The following PLCL1 variants were observed in gnomAD, a reference collection of about 807,000 sequenced individuals.
The protein encoded by PLCL1 is phospholipase C like 1 (inactive).
Under a neutral mutation model 84.4 loss-of-function variants are expected in PLCL1, and 41 were observed. That is an observed-to-expected ratio of 0.49 (90% confidence interval 0.38 to 0.63). The LOEUF is 0.63. PLCL1 is among the 30% of genes least tolerant of loss of function. The pLI is 0.00. For missense variants in PLCL1, 1,206 were observed against 1,367.8 expected (o/e 0.88, Z 1.87); for synonymous variants, 490 against 488.3 (o/e 1.00, Z -0.05).
intron 1 of PLCL1, among the ~76,000 whole-genome samples, chr2:197,979,552 TG>T (rs1690061456): frequency 6.6e-6 from 1 of 152,232 alleles, no homozygotes; most frequent in Non-Finnish European, 1.5e-5. Flanking sequence ...GAATCATCTC[TG>T]GTGGGGCCAC....
chr2:198,134,209 T>C (rs1694196593), intron 5 of PLCL1, among the ~76,000 whole-genome samples: 1 of 149,112 alleles, frequency 6.7e-6, no homozygotes, highest in Non-Finnish European at 1.5e-5. Context: ...GATCTGAAAT[T>C]GGAGCCAGTC....
rs114517900 is a variant in PLCL1, at chr2:198,109,003, A to G, written c.3105+5067A>G. On this transcript the variant is annotated intron_variant, in intron 5 of 5. Transcript: ENST00000428675. ...TTCAAGACAATCACTGGATCAAAAT[A>G]ACTCCATTCCATTCCACCCTCACAT... Among the ~76,000 whole-genome samples, 1,022 of 151,974 alleles carry G rather than the reference A, an allele frequency of 6.7e-3. 7 individuals carry two copies. Among genetic ancestry groups the G allele is most frequent in the African/African-American group, 0.023 (951 of 41,518 alleles).
chr2:197,816,077 A>G (rs1690680824), intron 1 of PLCL1, among the ~76,000 whole-genome samples: 1 of 152,180 alleles, frequency 6.6e-6, no homozygotes, highest in Admixed American at 6.5e-5. Flanking sequence ...ATCAAACAGC[A>G]TTGTATGCTA....
chr2:197,900,360 A>G (rs192154769), intron 1 of PLCL1, among the ~76,000 whole-genome samples: 4 of 152,346 alleles, frequency 2.6e-5, no homozygotes, highest in African/African-American at 7.2e-5. Flanking sequence ...TTGTTTTCAT[A>G]AGAGGAGTCA....
At chr2:198,095,278 G>T (rs1693165980) in intron 3 of PLCL1, among the ~76,000 whole-genome samples, 1 of 152,040 alleles carries the variant, frequency 6.6e-6, no homozygotes, top group South Asian at 2.1e-4. Flanking sequence ...TCCCCACTCT[G>T]GATTTTTACT....
intron 1 of PLCL1, among the ~76,000 whole-genome samples, chr2:197,838,005 T>C (rs1691224170): frequency 6.6e-6 from 1 of 152,206 alleles, no homozygotes; most frequent in Admixed American, 6.5e-5. Flanking sequence ...GCTGTGTGTT[T>C]AATAATTTTT....
At chr2:198,033,560 T>A (rs1396762075) in intron 1 of PLCL1, among the ~76,000 whole-genome samples, 1 of 152,178 alleles carries the variant, frequency 6.6e-6, no homozygotes, top group Non-Finnish European at 1.5e-5. Context: ...GTCTCTGTAT[T>A]TCCTCACATG....
At chr2:197,859,258 G>A (rs1329295154) in intron 1 of PLCL1, among the ~76,000 whole-genome samples, 1 of 152,006 alleles carries the variant, frequency 6.6e-6, no homozygotes, top group Admixed American at 6.6e-5. Flanking sequence ...TTCTGCTGAG[G>A]TTAAATAAAC....
At chr2:198,090,627 C>T (rs1693002837) in intron 3 of PLCL1, among the ~76,000 whole-genome samples, 1 of 152,116 alleles carries the variant, frequency 6.6e-6, no homozygotes, top group African/African-American at 2.4e-5. Flanking sequence ...GGAAAGTTTA[C>T]CTATTACCTG....
At position 197,920,653 on chromosome 2, in the gene PLCL1, A is replaced by T. The variant is rs533570921; in HGVS notation, c.240+115314A>T. On this transcript the variant is annotated intron_variant, in intron 1 of 5. Transcript: ENST00000428675. Reference sequence around the variant, plus strand: ...GCTCAAATTATTATAGTTCTTACAGACAGTGTCTAGTGTAAAAAGATACAC... The same window carrying T: ...GCTCAAATTATTATAGTTCTTACAGTCAGTGTCTAGTGTAAAAAGATACAC... 1.6e-4 allele frequency among the ~76,000 whole-genome samples: 24 copies of T among 152,314 alleles called. No homozygotes were observed. The South Asian group carries it at 4.8e-3, about 30-fold the overall frequency.
intron 1 of PLCL1, among the ~76,000 whole-genome samples, chr2:197,993,490 T>C (rs1690387304): frequency 6.6e-6 from 1 of 152,020 alleles, no homozygotes; most frequent in African/African-American, 2.4e-5. Context: ...TGAGGAGAGC[T>C]TGGTGAAGAG....
chr2:198,145,853 C>T lies in PLCL1; in HGVS notation c.3106-927C>T, dbSNP rs566166608. ...CTTTGTAGAATAATGCTCCAGCAAT[C>T]GTCATAACCCCATATCCACCCATAT... On this transcript the variant is annotated intron_variant, in intron 5 of 5. Transcript: ENST00000428675. Among the ~76,000 whole-genome samples, 14 of 152,260 alleles carry T rather than the reference C, an allele frequency of 9.2e-5. No individual in the cohort carries two copies. The East Asian group carries it at 1.2e-3, about 13-fold the overall frequency.
At chr2:197,895,502 T>C (rs781551828) in intron 1 of PLCL1, among the ~76,000 whole-genome samples, 9 of 152,032 alleles carry the variant, frequency 5.9e-5, no homozygotes, top group Admixed American at 5.9e-4. Flanking sequence ...CCTGACGTAG[T>C]TGCTTTTGTG....
At chr2:197,832,326 A>C (rs553345624) in intron 1 of PLCL1, among the ~76,000 whole-genome samples, 2 of 152,338 alleles carry the variant, frequency 1.3e-5, no homozygotes, top group South Asian at 4.1e-4. Context: ...AGGGGAGATC[A>C]CCACCGATCC....
intron 1 of PLCL1, among the ~76,000 whole-genome samples, chr2:197,945,457 C>T (rs1410581460): frequency 1.3e-5 from 2 of 152,092 alleles, no homozygotes; most frequent in East Asian, 3.8e-4. Context: ...CAGAATGTCC[C>T]AGTAAAATGT....
intron 1 of PLCL1, among the ~76,000 whole-genome samples, chr2:197,861,073 C>T (rs909742463): frequency 7.9e-5 from 12 of 152,114 alleles, no homozygotes; most frequent in Admixed American, 5.9e-4. Context: ...AAGTGATAAG[C>T]GTCTCTTTGT....
intron 1 of PLCL1, among the ~76,000 whole-genome samples, chr2:197,902,020 T>G (rs1011502264): frequency 5.3e-5 from 8 of 152,156 alleles, no homozygotes; most frequent in African/African-American, 1.9e-4. Flanking sequence ...AGAAATCATA[T>G]AAACCCTCAT....
chr2:197,826,135 C>T (rs769108619), intron 1 of PLCL1, among the ~76,000 whole-genome samples: 16 of 152,184 alleles, frequency 1.1e-4, no homozygotes, highest in Non-Finnish European at 1.8e-4. Context: ...GCAGTCCTAT[C>T]GGCTGCCGCT....
chr2:198,118,070 T>G (rs1353890983), intron 5 of PLCL1, among the ~76,000 whole-genome samples: 1 of 151,932 alleles, frequency 6.6e-6, no homozygotes. Context: ...CATGTAGATA[T>G]GATAATAACA....
Sources: gnomAD v4.1 joint callset for allele counts (sites outside exome capture counted in the v4.1 genomes callset) on GRCh38, gnomAD v4.1.1 for gene constraint, MANE v1.5 for transcripts, NCBI Gene and HGNC (gene_info 2026-07-23, HGNC 2026-07-21) for gene names.